EEPD1: variants seen among roughly 807,000 people sequenced by gnomAD.
EEPD1 encodes the protein endonuclease/exonuclease/phosphatase family domain-containing protein 1.
Under a neutral mutation model 46.3 loss-of-function variants are expected in EEPD1, and 17 were observed. The observed-to-expected ratio is 0.37, with a 90% CI of 0.25 to 0.55. The LOEUF is 0.55. EEPD1 is among the 20% of genes least tolerant of loss of function. The probability of loss-of-function intolerance (pLI) is 0.83; values close to 1 mark genes in which losing one functional copy is unlikely to be tolerated. For missense variants in EEPD1, 673 were observed against 745.6 expected, an observed-to-expected ratio of 0.90 and a Z score of 1.13; for synonymous variants, 313 against 315.6, an observed-to-expected ratio of 0.99 and a Z score of 0.09.
intron 4 of EEPD1, among the ~76,000 whole-genome samples, chr7:36,281,623 A>G (rs1787262945): frequency 6.6e-6 from 1 of 152,338 alleles, no homozygotes; most frequent in South Asian, 2.1e-4. Context: ...CTAGTGGTAG[A>G]AATTATGCAC....
At chr7:36,240,989 T>C (rs1786546108) in intron 3 of EEPD1, among the ~76,000 whole-genome samples, 1 of 152,166 alleles carries the variant, frequency 6.6e-6, no homozygotes, top group Non-Finnish European at 1.5e-5. Context: ...TGTATATATG[T>C]CAGACAGATC....
At chr7:36,160,430 C>T (rs866646073) in intron 2 of EEPD1, among the ~76,000 whole-genome samples, 1 of 151,658 alleles carries the variant, frequency 6.6e-6, no homozygotes, top group Admixed American at 6.6e-5. Flanking sequence ...AAGCCAGGCA[C>T]GGAAGAAGCC....
intron 2 of EEPD1, among the ~76,000 whole-genome samples, chr7:36,207,029 A>G (rs1005002833): frequency 6.6e-6 from 1 of 152,218 alleles, no homozygotes; most frequent in African/African-American, 2.4e-5. Context: ...AGCCTGGGCA[A>G]CAGAGTGAGA....
intron 2 of EEPD1, among the ~76,000 whole-genome samples, chr7:36,194,128 C>T (rs1269458925): frequency 2.0e-5 from 3 of 152,140 alleles, no homozygotes; most frequent in African/African-American, 7.2e-5. Context: ...ATTCCAGTTC[C>T]ATGTGGTGAA....
chr7:36,195,435 G>A (rs1785562185), intron 2 of EEPD1, among the ~76,000 whole-genome samples: 1 of 152,200 alleles, frequency 6.6e-6, no homozygotes, highest in African/African-American at 2.4e-5. Flanking sequence ...CATAAAAGAA[G>A]TAGAGAAAGC....
At chr7:36,212,746 T>C (rs988471294) in intron 2 of EEPD1, among the ~76,000 whole-genome samples, 8 of 151,876 alleles carry the variant, frequency 5.3e-5, no homozygotes, top group East Asian at 3.9e-4. Context: ...CATGTACATG[T>C]AGGAATATAC....
At chr7:36,199,037 C>A (rs919727084) in intron 2 of EEPD1, among the ~76,000 whole-genome samples, 2 of 151,926 alleles carry the variant, frequency 1.3e-5, no homozygotes, top group African/African-American at 4.8e-5. Context: ...GCCCACAGGC[C>A]CTCAATTTCA....
At position 36,197,352 on chromosome 7, in the gene EEPD1, G is replaced by A. The variant is rs1269085770; in HGVS notation, c.879-41633G>A. ...CAGGAGGTGAGGGGCGCCTCTGCCC[G>A]GCCGCCCCTACTGGGAAGTGAGGAG... is the stretch of plus-strand genomic sequence containing the variant. On this transcript the variant is annotated intron_variant, in intron 2 of 7. Coordinates refer to ENST00000242108, the MANE Select transcript of EEPD1 (RefSeq NM_030636.3). 1.2e-4 allele frequency among the ~76,000 whole-genome samples: 17 copies of A among 146,882 alleles called. No individual in the cohort carries two copies. In the East Asian group the frequency reaches 2.9e-3, roughly 25 times the overall value.
chr7:36,169,034 G>A (rs936702938), intron 2 of EEPD1, among the ~76,000 whole-genome samples: 1 of 152,176 alleles, frequency 6.6e-6, no homozygotes, highest in Non-Finnish European at 1.5e-5. Flanking sequence ...GTGGTGAAGT[G>A]TGTATCAGTA....
At chr7:36,264,278 G>A (rs1189617095) in intron 3 of EEPD1, among the ~76,000 whole-genome samples, 1 of 152,162 alleles carries the variant, frequency 6.6e-6, no homozygotes, top group Admixed American at 6.5e-5. Context: ...GTTGCTTCAG[G>A]GGGAAGCCCG....
At chr7:36,216,814 A>G (rs371070709) in intron 2 of EEPD1, among the ~76,000 whole-genome samples, 13 of 152,256 alleles carry the variant, frequency 8.5e-5, no homozygotes, top group Non-Finnish European at 1.9e-4. Flanking sequence ...GCAACTTAAA[A>G]TAACAGACAA....
chr7:36,261,753 A>G (rs939367769), intron 3 of EEPD1, among the ~76,000 whole-genome samples: 6 of 152,214 alleles, frequency 3.9e-5, no homozygotes, highest in African/African-American at 9.6e-5. Flanking sequence ...TGCTAAACAC[A>G]TTTATGCTCG....
At chr7:36,257,949 C>T (rs917790893) in intron 3 of EEPD1, among the ~76,000 whole-genome samples, 2 of 152,172 alleles carry the variant, frequency 1.3e-5, no homozygotes, top group African/African-American at 4.8e-5. Flanking sequence ...GGTTTTTCCT[C>T]ATCTTTCTGG....
At chr7:36,198,603 C>G (rs532364072) in intron 2 of EEPD1, among the ~76,000 whole-genome samples, 1 of 152,290 alleles carries the variant, frequency 6.6e-6, no homozygotes, top group African/African-American at 2.4e-5. Flanking sequence ...TTTGGGGCAT[C>G]ACGCATGACT....
At chr7:36,171,158 G>A (rs1403308300) in intron 2 of EEPD1, among the ~76,000 whole-genome samples, 1 of 152,170 alleles carries the variant, frequency 6.6e-6, no homozygotes, top group African/African-American at 2.4e-5. Context: ...CCTGGGCTCA[G>A]ATAATCCTCC....
rs532452850 is a variant in EEPD1, at chr7:36,262,696, T to G, written c.931-18419T>G. Reference sequence around the variant, plus strand: ...ACATGCTCACTTGAGGCATTTCGCCTGTACCAGTCGAGTGTTCCTGGAGGA... The same window carrying G: ...ACATGCTCACTTGAGGCATTTCGCCGGTACCAGTCGAGTGTTCCTGGAGGA... On this transcript the variant is annotated intron_variant, in intron 3 of 7. Transcript: ENST00000242108. 1.5e-4 allele frequency among the ~76,000 whole-genome samples: 23 copies of G among 152,294 alleles called. No individual in the cohort carries two copies. In the South Asian group the frequency reaches 3.3e-3, roughly 22 times the overall value.
chr7:36,202,372 G>C (rs1332767568), intron 2 of EEPD1, among the ~76,000 whole-genome samples: 1 of 152,138 alleles, frequency 6.6e-6, no homozygotes, highest in African/African-American at 2.4e-5. Context: ...GCCTGGGGGT[G>C]CTGCTTATTT....
rs758846144 is a variant in EEPD1 at position 36,154,853 on chromosome 7, C to T, written c.529C>T (p.Leu177=). The T allele has an allele frequency of 3.1e-6, 5 of 1,614,188 alleles. No individual in the cohort carries two copies. The South Asian group carries it at 4.4e-5, about 14-fold the overall frequency. Residue 177 remains leucine, a synonymous_variant, in exon 2 of 8, where the codon CTA becomes TTA. Coordinates refer to ENST00000242108, the MANE Select transcript of EEPD1 (RefSeq NM_030636.3). The surrounding 1 kb of genome is among the most constrained non-coding windows in gnomAD (Gnocchi z 4.2). The stretch of plus-strand genomic sequence containing the variant: ...TGGGCCCTTTCGCAGCGTTGAGGAC[C>T]TAGTGAGGATGGATGGTATCAATGC... ...EHGPFRSVED[L]VRMDGINAAF...
rs147910220 is a variant in EEPD1 at position 36,275,660 on chromosome 7, C to T, written c.931-5455C>T. On this transcript the variant is annotated intron_variant, in intron 3 of 7. Transcript: ENST00000242108. ...TATTTTTAGTAGAGACAGAGTTTCA[C>T]CATGTTGGTCAGGCTGGGCTCAAAC... Among the ~76,000 whole-genome samples, 545 of 152,246 alleles carry T rather than the reference C, an allele frequency of 3.6e-3. 4 individuals carry two copies. Among genetic ancestry groups the T allele is most frequent in the African/African-American group, 0.012 (517 of 41,544 alleles).
Sources: allele counts gnomAD v4.1 joint callset (sites outside exome capture counted in the v4.1 genomes callset), GRCh38; gene constraint gnomAD v4.1.1; non-coding constraint Gnocchi (gnomAD v3.1); transcripts MANE v1.5; gene names NCBI Gene and HGNC (gene_info 2026-07-23, HGNC 2026-07-21).